The following DAAM1 variants were observed in gnomAD, a reference collection of about 807,000 sequenced individuals.
DAAM1 encodes disheveled-associated activator of morphogenesis 1.
DAAM1 carries 52 observed loss-of-function variants against 130.0 expected under a neutral mutation model. The observed-to-expected ratio is 0.40, with a 90% CI of 0.32 to 0.50. The LOEUF (loss-of-function observed/expected upper bound fraction) is 0.50, where lower values mean the gene tolerates loss of function less well. Ranked by LOEUF, DAAM1 falls within the 20% of genes least tolerant of loss-of-function variation. DAAM1 has a pLI of 0.61. For synonymous variants in DAAM1, 452 were observed against 444.5 expected, an observed-to-expected ratio of 1.02 and a Z score of -0.21; for missense variants, 1,134 against 1,303.8, an observed-to-expected ratio of 0.87 and a Z score of 2.01.
chr14:59,261,397 T>C (rs990357904), intron 1 of DAAM1, among the ~76,000 whole-genome samples: 1 of 152,212 alleles, frequency 6.6e-6, no homozygotes, highest in Non-Finnish European at 1.5e-5. Flanking sequence ...TCCTGGTACA[T>C]AGTGGGTATT....
intron 3 of DAAM1, among the ~76,000 whole-genome samples, chr14:59,310,976 AAAC>A (rs890162085): frequency 3.3e-4 from 50 of 151,966 alleles, no homozygotes; most frequent in African/African-American, 9.4e-4. Flanking sequence ...AAAACAAAAA[AAAC>A]AAACAAAAAA....
At chr14:59,353,478 G>A (rs965854971) in intron 18 of DAAM1, among the ~76,000 whole-genome samples, 2 of 152,220 alleles carry the variant, frequency 1.3e-5, no homozygotes, top group African/African-American at 4.8e-5. Flanking sequence ...GTACGGAACT[G>A]TCCTTTATTT....
intron 2 of DAAM1, among the ~76,000 whole-genome samples, chr14:59,287,822 A>G (rs887361207): frequency 6.6e-6 from 1 of 152,242 alleles, no homozygotes; most frequent in African/African-American, 2.4e-5. Context: ...GGAAGAATCA[A>G]TATTGTTAAA....
chr14:59,235,595 G>T (rs1053417816), intron 1 of DAAM1, among the ~76,000 whole-genome samples: 3 of 151,996 alleles, frequency 2.0e-5, no homozygotes, highest in African/African-American at 7.2e-5. Flanking sequence ...ACCAGCTCCT[G>T]GATTCATTGA....
chr14:59,299,842 T>C (rs937478719), intron 3 of DAAM1: 1 of 152,118 alleles, frequency 6.6e-6, no homozygotes, highest in African/African-American at 2.4e-5. Flanking sequence ...ATTTGGGAAG[T>C]CTCTGGTCCA....
Position 59,288,683 on chromosome 14 carries a change from A to T in DAAM1, c.184-2534A>T, listed in dbSNP as rs185131286. On this transcript the variant is annotated intron_variant, in intron 2 of 24. Transcript: ENST00000360909. ...ACTACTCTGTTTTCATACTACTGCA[A>T]AGAACTACCTGAGACTGGGCAATTT... Among the ~76,000 whole-genome samples, 9 of 152,342 alleles carry T rather than the reference A, an allele frequency of 5.9e-5. No homozygotes were observed. The East Asian group carries it at 1.7e-3, about 29-fold the overall frequency.
At chr14:59,223,588 G>A (rs755541695) in intron 1 of DAAM1, among the ~76,000 whole-genome samples, 5 of 152,194 alleles carry the variant, frequency 3.3e-5, no homozygotes, top group Non-Finnish European at 5.9e-5. Flanking sequence ...CAACTTGCAC[G>A]GAAGCCTGGA....
intron 3 of DAAM1, among the ~76,000 whole-genome samples, chr14:59,294,656 T>C (rs1239253001): frequency 6.6e-6 from 1 of 152,156 alleles, no homozygotes; most frequent in Non-Finnish European, 1.5e-5. Context: ...GTGGTTCTTA[T>C]CTTTAAAGGT....
At chr14:59,366,902 T>C (rs1471494680) in intron 23 of DAAM1, among the ~76,000 whole-genome samples, 2 of 145,488 alleles carry the variant, frequency 1.4e-5, no homozygotes, top group Non-Finnish European at 3.0e-5. Flanking sequence ...CTGGGTAACA[T>C]GTAAGACCCC....
Position 59,288,751 on chromosome 14 carries a change from A to T in DAAM1, c.184-2466A>T, listed in dbSNP as rs188376592. ...AATTGACTCACAATTCTGCAGGCTT[A>T]ACAGGAAGCATGACTGGGGGGCCTC... On this transcript the variant is annotated intron_variant, in intron 2 of 24. Coordinates refer to ENST00000360909, the MANE Select transcript of DAAM1 (RefSeq NM_001270520.2). 2.6e-5 allele frequency among the ~76,000 whole-genome samples: 4 copies of T among 152,010 alleles called. No individual in the cohort carries two copies. In the East Asian group the frequency reaches 7.7e-4, roughly 29 times the overall value.
At chr14:59,257,247 C>T (rs935903144) in intron 1 of DAAM1, among the ~76,000 whole-genome samples, 1 of 151,998 alleles carries the variant, frequency 6.6e-6, no homozygotes, top group Admixed American at 6.6e-5. Flanking sequence ...GAGGTGAGAC[C>T]ATCTGTTCAC....
chr14:59,340,622 G>C (rs971944833), intron 16 of DAAM1, among the ~76,000 whole-genome samples: 1 of 152,096 alleles, frequency 6.6e-6, no homozygotes, highest in Non-Finnish European at 1.5e-5. Flanking sequence ...TTCTTTTTGA[G>C]CATTTTTATA....
At chr14:59,200,761 A>G (rs866585020) in intron 1 of DAAM1, among the ~76,000 whole-genome samples, 9 of 152,188 alleles carry the variant, frequency 5.9e-5, no homozygotes, top group Admixed American at 5.2e-4. Flanking sequence ...GTAGTTCTCC[A>G]CCTTGGATAT....
At chr14:59,247,921 A>C (rs532544868) in intron 1 of DAAM1, among the ~76,000 whole-genome samples, 1 of 152,334 alleles carries the variant, frequency 6.6e-6, no homozygotes, top group African/African-American at 2.4e-5. Context: ...CTCCTTTAAC[A>C]TACCAGAAAA....
At chr14:59,207,716 C>G (rs1294950771) in intron 1 of DAAM1, among the ~76,000 whole-genome samples, 2 of 152,164 alleles carry the variant, frequency 1.3e-5, no homozygotes, top group South Asian at 2.1e-4. Flanking sequence ...CAGGACTCCT[C>G]AGATCATATT....
At chr14:59,333,383 T>C (rs976346118) in intron 15 of DAAM1, among the ~76,000 whole-genome samples, 1 of 152,148 alleles carries the variant, frequency 6.6e-6, no homozygotes, top group Non-Finnish European at 1.5e-5. Flanking sequence ...CATTGGCCAA[T>C]AGAAAGCAAA....
chr14:59,312,866 A>G (rs1431308500), intron 3 of DAAM1, among the ~76,000 whole-genome samples: 1 of 152,254 alleles, frequency 6.6e-6, no homozygotes, highest in Non-Finnish European at 1.5e-5. Flanking sequence ...CCCCATCCAC[A>G]GAATTTGGGA....
At chr14:59,195,336 G>A (rs1161722964) in intron 1 of DAAM1, among the ~76,000 whole-genome samples, 1 of 151,916 alleles carries the variant, frequency 6.6e-6, no homozygotes, top group African/African-American at 2.4e-5. Flanking sequence ...GTAGAGATGG[G>A]GTTTCACCGT....
chr14:59,351,499 C>T (rs896862867), intron 17 of DAAM1, among the ~76,000 whole-genome samples: 1 of 152,094 alleles, frequency 6.6e-6, no homozygotes, highest in South Asian at 2.1e-4. Flanking sequence ...ACTGCCCTTC[C>T]ACCTGCATAA....
Sources: gnomAD v4.1 joint callset for allele counts (sites outside exome capture counted in the v4.1 genomes callset) on GRCh38, gnomAD v4.1.1 for gene constraint, MANE v1.5 for transcripts, NCBI Gene and HGNC (gene_info 2026-07-23, HGNC 2026-07-21) for gene names.